The following MYT1L variants were observed in gnomAD, a reference collection of about 807,000 sequenced individuals.
The protein encoded by MYT1L is myelin transcription factor 1 like.
A neutral mutation model predicts 126.7 loss-of-function variants in MYT1L; 12 were observed. The observed-to-expected ratio is 0.09, with a 90% CI of 0.06 to 0.15. The LOEUF (loss-of-function observed/expected upper bound fraction) is 0.15, where lower values mean the gene tolerates loss of function less well. Ranked by LOEUF, MYT1L falls within the 10% of genes least tolerant of loss-of-function variation. MYT1L has a pLI of 1.00. For missense variants in MYT1L, 979 were observed against 1,585.2 expected (o/e 0.62, Z 6.49); for synonymous variants, 541 against 604.2 (o/e 0.90, Z 1.53).
At chr2:2,275,588 T>A (rs1419164486) in intron 2 of MYT1L, among the ~76,000 whole-genome samples, 1 of 152,150 alleles carries the variant, frequency 6.6e-6, no homozygotes, top group African/African-American at 2.4e-5. Context: ...GTGTGCTGCA[T>A]CCTGCCCTAA....
intron 8 of MYT1L, among the ~76,000 whole-genome samples, chr2:1,947,145 G>A (rs149633878): frequency 6.6e-5 from 10 of 152,116 alleles, no homozygotes; most frequent in East Asian, 1.9e-4. Context: ...TATGAGTCCC[G>A]ATTGCTGGGA....
intron 4 of MYT1L, among the ~76,000 whole-genome samples, chr2:2,003,088 C>T (rs115270457): frequency 0.036 from 5,458 of 152,224 alleles, 167 homozygotes; most frequent in Non-Finnish European, 0.054. Context: ...TATGCCTCCA[C>T]GTCAACCCCA....
chr2:2,318,891 A>G (rs1039868503), intron 1 of MYT1L, among the ~76,000 whole-genome samples: 1 of 152,210 alleles, frequency 6.6e-6, no homozygotes, highest in African/African-American at 2.4e-5. Context: ...ATACTCTGAG[A>G]GACTATAAAA....
At chr2:2,158,706 A>G (rs2087205350) in intron 3 of MYT1L, among the ~76,000 whole-genome samples, 1 of 103,164 alleles carries the variant, frequency 9.7e-6, no homozygotes, top group African/African-American at 4.2e-5. Flanking sequence ...ATTCAAGTAC[A>G]CACACACACA....
chr2:2,114,243 C>A (rs989250930), intron 3 of MYT1L, among the ~76,000 whole-genome samples: 1 of 152,130 alleles, frequency 6.6e-6, no homozygotes, highest in African/African-American at 2.4e-5. Context: ...AATAGAAAAC[C>A]AGCATTTTGA....
chr2:2,187,508 T>C (rs968329622), intron 2 of MYT1L, among the ~76,000 whole-genome samples: 1 of 151,812 alleles, frequency 6.6e-6, no homozygotes, highest in Non-Finnish European at 1.5e-5. Context: ...TCAGTATTGA[T>C]GAGCGGCAGA....
At chr2:1,831,509 C>CATGTCCTCTACA (rs1159666052) in intron 21 of MYT1L, among the ~76,000 whole-genome samples, 6 of 152,192 alleles carry the variant, frequency 3.9e-5, no homozygotes, top group Non-Finnish European at 5.9e-5. Context: ...AACCATTAGT[C>CATGTCCTCTACA]ATGTCCTCTA....
intron 18 of MYT1L, among the ~76,000 whole-genome samples, chr2:1,880,933 C>A (rs968674590): frequency 1.3e-5 from 2 of 152,220 alleles, no homozygotes; most frequent in Non-Finnish European, 2.9e-5. Context: ...ACAGACGGAC[C>A]TGCACTGCGT....
intron 8 of MYT1L, among the ~76,000 whole-genome samples, chr2:1,977,154 A>T (rs1215792165): frequency 6.6e-6 from 1 of 152,242 alleles, no homozygotes; most frequent in Admixed American, 6.5e-5. Flanking sequence ...TATTGGAAAC[A>T]GCTCTTGGCC....
At chr2:2,136,838 G>A (rs1475682065) in intron 3 of MYT1L, among the ~76,000 whole-genome samples, 2 of 152,120 alleles carry the variant, frequency 1.3e-5, no homozygotes, top group Non-Finnish European at 2.9e-5. Flanking sequence ...GTTCTGGCCA[G>A]GGCAATTAGG....
intron 3 of MYT1L, among the ~76,000 whole-genome samples, chr2:2,076,364 C>A (rs910334701): frequency 6.6e-6 from 1 of 152,166 alleles, no homozygotes; most frequent in East Asian, 1.9e-4. Flanking sequence ...TTTAAGGCAA[C>A]GCCTTCTCAC....
chr2:1,846,134 G>A (rs1238609215), intron 19 of MYT1L, among the ~76,000 whole-genome samples: 1 of 152,140 alleles, frequency 6.6e-6, no homozygotes, highest in Non-Finnish European at 1.5e-5. Flanking sequence ...CTGCCCTGAG[G>A]TGCGCCCTCC....
chr2:2,129,033 T>G (rs894141650), intron 3 of MYT1L, among the ~76,000 whole-genome samples: 2 of 152,152 alleles, frequency 1.3e-5, no homozygotes, highest in Admixed American at 1.3e-4. Flanking sequence ...ACAAAAAACA[T>G]ACCAAAATTA....
chr2:2,155,442 C>T (rs2086570244), intron 3 of MYT1L, among the ~76,000 whole-genome samples: 1 of 152,124 alleles, frequency 6.6e-6, no homozygotes, highest in African/African-American at 2.4e-5. Flanking sequence ...CCTATAATTT[C>T]CTGGTGGTCT....
chr2:2,041,389 T>C (rs1404226401), intron 4 of MYT1L, among the ~76,000 whole-genome samples: 1 of 152,144 alleles, frequency 6.6e-6, no homozygotes, highest in Non-Finnish European at 1.5e-5. Flanking sequence ...GAGAGAGAAG[T>C]TGGAACCCTG....
intron 5 of MYT1L, among the ~76,000 whole-genome samples, chr2:1,993,452 T>C (rs1253237540): frequency 1.3e-5 from 2 of 152,168 alleles, no homozygotes; most frequent in Admixed American, 6.5e-5. Context: ...TTTACAAAAC[T>C]TTTTTGTACT....
chr2:2,247,965 G>A (rs1301864235), intron 2 of MYT1L, among the ~76,000 whole-genome samples: 2 of 151,836 alleles, frequency 1.3e-5, no homozygotes, highest in Non-Finnish European at 2.9e-5. Context: ...AACCAATAAT[G>A]CATCTTAAAT....
At chr2:1,861,503 CTTTTTT>C (rs34596674) in intron 18 of MYT1L, among the ~76,000 whole-genome samples, 1 of 144,400 alleles carries the variant, frequency 6.9e-6, no homozygotes, top group African/African-American at 2.5e-5. Flanking sequence ...GTTTGTGAAT[CTTTTTT>C]TTTTTTTGTA....
chr2:2,028,910 T>C (rs567090881), intron 4 of MYT1L, among the ~76,000 whole-genome samples: 5 of 152,076 alleles, frequency 3.3e-5, no homozygotes, highest in East Asian at 1.9e-4. Flanking sequence ...GGGGGACACA[T>C]TGGGGGGCTT....
Sources: gnomAD v4.1 joint callset for allele counts (sites outside exome capture counted in the v4.1 genomes callset) on GRCh38, gnomAD v4.1.1 for gene constraint, MANE v1.5 for transcripts, NCBI Gene and HGNC (gene_info 2026-07-23, HGNC 2026-07-21) for gene names.